The following SPTBN1 variants were observed in gnomAD, a reference collection of about 807,000 sequenced individuals.
The protein encoded by SPTBN1 is spectrin beta chain, non-erythrocytic 1.
In SPTBN1, 32 loss-of-function variants were observed where a neutral mutation model predicts 266.4. The observed-to-expected ratio is 0.12, with a 90% CI of 0.09 to 0.16. The LOEUF (loss-of-function observed/expected upper bound fraction) is 0.16. SPTBN1 is among the 10% of genes least tolerant of loss of function. The pLI is 1.00. For synonymous variants in SPTBN1, 1,336 were observed against 1,162.2 expected (o/e 1.15, Z -3.04); for missense variants, 2,296 against 3,067.1 (o/e 0.75, Z 5.94).
At chr2:54,604,996 TG>T (rs1304924986) in intron 3 of SPTBN1, among the ~76,000 whole-genome samples, 1 of 152,144 alleles carries the variant, frequency 6.6e-6, no homozygotes, top group Non-Finnish European at 1.5e-5. Context: ...GAAGTGCACA[TG>T]TTGCTGTGGG....
At chr2:54,610,461 T>C (rs1182545356) in intron 3 of SPTBN1, among the ~76,000 whole-genome samples, 1 of 152,230 alleles carries the variant, frequency 6.6e-6, no homozygotes, top group Non-Finnish European at 1.5e-5. Flanking sequence ...GACGGGTTTT[T>C]GCCATGTTGT....
rs1681645927 is a variant in SPTBN1 at position 54,670,321 on chromosome 2, G to C, written c.*1752G>C. ...GTGACATACTTTTCCTGGGTTATCT[G>C]GGTATGTTGACTCCATGCCACTTGC... On this transcript the variant is annotated 3_prime_UTR_variant, in exon 36 of 36. Transcript: ENST00000356805. 1 of 173,884 alleles carries C rather than the reference G, an allele frequency of 5.8e-6. No individual in the cohort carries two copies. The highest frequency in any genetic ancestry group is 2.4e-5 in the African/African-American group (1 of 42,540). 10.8% of individuals were successfully genotyped at this position (173,884 alleles called of 1,614,324 possible). A position where few individuals can be genotyped will look rare whatever the true frequency, so the allele number is the denominator to read the frequency against.
intron 2 of SPTBN1, among the ~76,000 whole-genome samples, chr2:54,531,491 A>G (rs1430462053): frequency 6.6e-6 from 1 of 152,120 alleles, no homozygotes; most frequent in African/African-American, 2.4e-5. Flanking sequence ...TGGTAGAGTC[A>G]TAGCTAACTA....
In SPTBN1 at chr2:54,558,721, G is replaced by T. The variant is rs551154855; in HGVS notation, c.148+32155G>T. On this transcript the variant is annotated intron_variant, in intron 2 of 35. Coordinates refer to ENST00000356805, the MANE Select transcript of SPTBN1 (RefSeq NM_003128.3). This position sits in a 1 kb window ranked among gnomAD's most constrained non-coding sequence, Gnocchi z 4.6. The stretch of plus-strand genomic sequence containing the variant: ...GCTGCTGCGTGTTGGATGGGAGTGG[G>T]AGGGGGCTGGAGCGAGATTTCCAGG... 693 of 1,581,714 alleles carry T rather than the reference G, an allele frequency of 4.4e-4. No individual in the cohort carries two copies. Among genetic ancestry groups the T allele is most frequent in the Non-Finnish European group, 5.5e-4 (635 of 1,159,534 alleles).
chr2:54,547,481 G>T (rs748887139), intron 2 of SPTBN1, among the ~76,000 whole-genome samples: 2 of 152,122 alleles, frequency 1.3e-5, no homozygotes, highest in Non-Finnish European at 2.9e-5. Context: ...TATCCAGAAG[G>T]GGAATGGCTG....
At chr2:54,476,711 A>G (rs1558759613) in intron 1 of SPTBN1, among the ~76,000 whole-genome samples, 1 of 152,232 alleles carries the variant, frequency 6.6e-6, no homozygotes, top group African/African-American at 2.4e-5. Flanking sequence ...CAAAGCAAGT[A>G]TTTGGAATTG....
chr2:54,632,852 T>A, intron 17 of SPTBN1, 84 bp downstream of exon 17: 1 of 1,473,120 alleles, frequency 6.8e-7, no homozygotes, highest in Non-Finnish European at 9.2e-7. Context: ...CCCTTGGGAG[T>A]TTAGGTATAA....
chr2:54,565,705 C>T (rs1201114531), intron 2 of SPTBN1, among the ~76,000 whole-genome samples: 2 of 152,166 alleles, frequency 1.3e-5, no homozygotes, highest in Non-Finnish European at 2.9e-5. Flanking sequence ...AGGCTGCTTT[C>T]CTTATTTGAA....
Position 54,646,183 on chromosome 2 carries a change from G to A in SPTBN1, c.4585-11G>A, listed in dbSNP as rs199641581. On this transcript the variant is annotated splice_polypyrimidine_tract_variant and intron_variant, in intron 22 of 35. Transcript: ENST00000356805. The surrounding 1 kb of genome is among the most constrained non-coding windows in gnomAD (Gnocchi z 4.4). ...TAGCAAGCCTTTGTGTGTATTTTCCGCTCCCTCCAGACCCTCCAGAAAGAA... is the reference window on the plus strand; with the variant it reads ...TAGCAAGCCTTTGTGTGTATTTTCCACTCCCTCCAGACCCTCCAGAAAGAA... The A allele has an allele frequency of 1.4e-3, 2,204 of 1,597,314 alleles. 3 individuals carry two copies. Among genetic ancestry groups the A allele is most frequent in the Non-Finnish European group, 1.6e-3 (1,923 of 1,170,508 alleles).
intron 1 of SPTBN1, among the ~76,000 whole-genome samples, chr2:54,519,225 A>G (rs1280837351): frequency 1.3e-5 from 2 of 152,206 alleles, no homozygotes; most frequent in African/African-American, 4.8e-5. Context: ...ACTTAATGTT[A>G]CCAGGCACCC....
At chr2:54,593,859 G>A (rs1212531860) in intron 2 of SPTBN1, among the ~76,000 whole-genome samples, 3 of 96,392 alleles carry the variant, frequency 3.1e-5, no homozygotes, top group African/African-American at 1.1e-4. Flanking sequence ...TTGAGACAGA[G>A]TCTTAACGCT....
chr2:54,588,054 T>A (rs1463401759), intron 2 of SPTBN1, among the ~76,000 whole-genome samples: 1 of 152,172 alleles, frequency 6.6e-6, no homozygotes, highest in East Asian at 1.9e-4. Flanking sequence ...ACAAATGGGA[T>A]GTGGGATCAA....
intron 1 of SPTBN1, among the ~76,000 whole-genome samples, chr2:54,481,419 TGTGTGTGTGTGTGTGTGTGTG>T (rs1558763953): frequency 1.2e-3 from 160 of 133,110 alleles, no homozygotes; most frequent in African/African-American, 4.5e-3. Flanking sequence ...TGTGTGTGTG[TGTGTGTGTGTGTGTGTGTGTG>T]TTTTGTTTTG....
chr2:54,608,717 C>G (rs967470588), intron 3 of SPTBN1, among the ~76,000 whole-genome samples: 1 of 151,656 alleles, frequency 6.6e-6, no homozygotes, highest in Non-Finnish European at 1.5e-5. Flanking sequence ...CGCGCATGCA[C>G]ACACACAGTG....
Position 54,623,751 on chromosome 2 carries a change from A to G in SPTBN1, c.1182+155A>G, listed in dbSNP as rs189593714. Among the ~76,000 whole-genome samples the G allele has an allele frequency of 2.0e-3, 308 of 152,318 alleles. 3 individuals are homozygous for G. In the South Asian group the frequency reaches 0.036, roughly 18 times the overall value. ...AGCTGGTGCTCAGGTGTGGCAAAGG[A>G]CCAAGCAAGCAATGGTACCGGGTTA... is the stretch of plus-strand genomic sequence containing the variant. On this transcript the variant is annotated intron_variant, in intron 10 of 35. Transcript: ENST00000356805.
At chr2:54,475,319 C>G (rs1040070951) in intron 1 of SPTBN1, among the ~76,000 whole-genome samples, 1 of 152,214 alleles carries the variant, frequency 6.6e-6, no homozygotes, top group African/African-American at 2.4e-5. Flanking sequence ...AGTTTGTCTC[C>G]TTTTGGTTCC....
intron 1 of SPTBN1, among the ~76,000 whole-genome samples, chr2:54,481,237 T>C (rs1377762870): frequency 6.6e-6 from 1 of 151,994 alleles, no homozygotes; most frequent in Admixed American, 6.5e-5. Context: ...CCCATTAGAA[T>C]CTCTCTTGCT....
In SPTBN1 at chr2:54,646,499, C is replaced by G; in HGVS notation, c.4866+24C>G. The G allele has an allele frequency of 1.4e-6, 2 of 1,476,112 alleles. No homozygotes were observed. Among genetic ancestry groups the G allele is most frequent in the Non-Finnish European group, 1.8e-6 (2 of 1,114,302 alleles). The allele number at this position is 1,476,112 out of a possible 1,614,324, so 91.4% of individuals were successfully genotyped here. ...AGGTGAGAGGAGGCGGGAAGCATCC[C>G]TGTCCCAGGAGAGCCTCAGATTCAA... On this transcript the variant is annotated intron_variant, in intron 23 of 35. Transcript: ENST00000356805. This position sits in a 1 kb window ranked among gnomAD's most constrained non-coding sequence, Gnocchi z 4.4.
intron 1 of SPTBN1, among the ~76,000 whole-genome samples, chr2:54,477,854 T>G (rs1667915261): frequency 6.6e-6 from 1 of 151,760 alleles, no homozygotes; most frequent in Non-Finnish European, 1.5e-5. Context: ...GAGGTTGCAG[T>G]GAGCCAAGAT....
Sources: gnomAD v4.1 joint callset for allele counts (sites outside exome capture counted in the v4.1 genomes callset) on GRCh38, gnomAD v4.1.1 for gene constraint, Gnocchi (gnomAD v3.1) non-coding constraint, MANE v1.5 for transcripts, NCBI Gene and HGNC (gene_info 2026-07-23, HGNC 2026-07-21) for gene names.